Variants in ZGPAT observed in about 807,000 individuals in gnomAD.
ZGPAT encodes the protein zinc finger CCCH-type and G-patch domain containing, also known as zinc finger CCCH-type with G patch domain-containing protein.
A neutral mutation model predicts 47.9 loss-of-function variants in ZGPAT; 39 were observed. The observed-to-expected ratio is 0.81, with a 90% CI of 0.63 to 1.06. The LOEUF is 1.06. ZGPAT is among the 50% of genes least tolerant of loss of function. The pLI, the probability that ZGPAT is intolerant of heterozygous loss-of-function variation, is 0.00. For missense variants in ZGPAT, 717 were observed against 681.4 expected (o/e 1.05, Z -0.58); for synonymous variants, 348 against 292.9 (o/e 1.19, Z -1.92).
At chr20:63,729,449 C>G (rs539359267) in intron 2 of ZGPAT, among the ~76,000 whole-genome samples, 1 of 152,288 alleles carries the variant, frequency 6.6e-6, no homozygotes, top group South Asian at 2.1e-4. Context: ...GTATTTCTGT[C>G]AATGCTGTGA....
chr20:63,733,776 G>T, intron 4 of ZGPAT, 37 bp downstream of exon 4: 1 of 1,582,272 alleles, frequency 6.3e-7, no homozygotes. Context: ...AGCCAGGAAG[G>T]TGGGGTCACC....
chr20:63,735,223 G>T lies in ZGPAT; in HGVS notation c.1056G>T (p.Lys352Asn). Residue 352 changes from lysine to asparagine, a missense_variant, in exon 6 of 7, where the codon AAG becomes AAT. Lys to Asn is a moderately conservative substitution (Grantham distance 94, BLOSUM62 0). Coordinates refer to ENST00000355969, the MANE Select transcript of ZGPAT (RefSeq NM_181485.3). ...PIHAVVLPRG[K>N]SLDQCVETLQ... ...ATGCTGTGGTGTTGCCTCGAGGGAA[G>T]TCGCTGGACCAGTGTGTGGAGACCC... 1 of 1,574,972 alleles carries T rather than the reference G, an allele frequency of 6.3e-7. No individual in the cohort carries two copies. The highest frequency in any genetic ancestry group is 8.6e-7 in the Non-Finnish European group (1 of 1,160,674).
In ZGPAT at chr20:63,734,742, C is replaced by T; in HGVS notation, c.909C>T (p.Ser303=). 1 of 1,614,062 alleles carries T rather than the reference C, an allele frequency of 6.2e-7. No homozygotes were observed. Among genetic ancestry groups the T allele is most frequent in the Non-Finnish European group, 8.5e-7 (1 of 1,179,954 alleles). ...GSDAVDSGTC[S]SAFAGWEVHT... is the part of the protein sequence containing the mutation. Reference sequence around the variant, plus strand: ...ATGCTGTGGACTCTGGGACCTGCAGCTCTGCCTTTGCTGGCTGGGAGGTGC... The same window carrying T: ...ATGCTGTGGACTCTGGGACCTGCAGTTCTGCCTTTGCTGGCTGGGAGGTGC... Residue 303 remains serine, a synonymous_variant, in exon 5 of 7, where the codon AGC becomes AGT. Coordinates refer to ENST00000355969, the MANE Select transcript of ZGPAT (RefSeq NM_181485.3).
chr20:63,735,454 G>A lies in ZGPAT; in HGVS notation c.1287G>A (p.Lys429=), dbSNP rs951085163. Residue 429 remains lysine, a synonymous_variant, in exon 6 of 7, where the codon AAG becomes AAA. Coordinates refer to ENST00000355969, the MANE Select transcript of ZGPAT (RefSeq NM_181485.3). The part of the protein sequence containing the change: ...RRSKDMYHAS[K]SAKRALSLRL... Reference sequence around the variant, plus strand: ...GCAAGGACATGTACCATGCCAGCAAGAGTGCCAAGCGGGCCCTGAGCCTGC... The same window carrying A: ...GCAAGGACATGTACCATGCCAGCAAAAGTGCCAAGCGGGCCCTGAGCCTGC... 5 of 1,568,440 alleles carry A rather than the reference G, an allele frequency of 3.2e-6. No homozygotes were observed. The highest frequency in any genetic ancestry group is 4.3e-6 in the Non-Finnish European group (5 of 1,161,258).
Position 63,732,993 on chromosome 20 carries a change from CGTGTGTATATGTGCAT to C in ZGPAT, c.585-217_585-202del, listed in dbSNP as rs952513885. ...ATGTGTGCATGTGTATCTGTATGTG[CGTGTGTATATGTGCAT>C]GTGTGTATGTGTGCGTGAGTGTGTG... On this transcript the variant is annotated intron_variant, in intron 2 of 6. Coordinates refer to ENST00000355969, the MANE Select transcript of ZGPAT (RefSeq NM_181485.3). 6.5e-4 allele frequency among the ~76,000 whole-genome samples: 97 copies of C among 148,238 alleles called. 1 individual carries two copies. In the South Asian group the frequency reaches 7.2e-3, roughly 11 times the overall value.
chr20:63,735,584 C>G lies in ZGPAT; in HGVS notation c.1397+20C>G. 6.6e-7 allele frequency: 1 copy of G among 1,512,832 alleles called. No homozygotes were observed. The highest frequency in any genetic ancestry group is 8.8e-7 in the Non-Finnish European group (1 of 1,132,426). The allele number at this position is 1,512,832 out of a possible 1,614,324, so 93.7% of individuals were successfully genotyped here. ...TGGCCGGTACGTGTGGGGCCCAGCT[C>G]AGGGCAAAGGGCGACCCAGGGTGGC... On this transcript the variant is annotated intron_variant, in intron 6 of 6. Coordinates refer to ENST00000355969, the MANE Select transcript of ZGPAT (RefSeq NM_181485.3).
intron 2 of ZGPAT, among the ~76,000 whole-genome samples, chr20:63,723,719 A>G (rs1484959703): frequency 6.6e-6 from 1 of 152,104 alleles, no homozygotes; most frequent in Non-Finnish European, 1.5e-5. Flanking sequence ...CCATATATAC[A>G]TTTATGTATG....
chr20:63,711,237 C>G (rs2091664531), intron 2 of ZGPAT, among the ~76,000 whole-genome samples: 1 of 152,146 alleles, frequency 6.6e-6, no homozygotes, highest in South Asian at 2.1e-4. Flanking sequence ...ACCATATTAC[C>G]CAGGTCTCGA....
At chr20:63,717,663 T>G (rs1053043672) in intron 2 of ZGPAT, among the ~76,000 whole-genome samples, 6 of 152,152 alleles carry the variant, frequency 3.9e-5, no homozygotes, top group Non-Finnish European at 8.8e-5. Context: ...CTTGAGCTCC[T>G]GGACTCAATC....
At chr20:63,713,687 A>G (rs1378323595) in intron 2 of ZGPAT, among the ~76,000 whole-genome samples, 2 of 151,568 alleles carry the variant, frequency 1.3e-5, no homozygotes, top group African/African-American at 4.8e-5. Flanking sequence ...CCTGGCCAAC[A>G]TGGTGAAATC....
chr20:63,731,367 T>C (rs2091899765), intron 2 of ZGPAT, among the ~76,000 whole-genome samples: 2 of 150,104 alleles, frequency 1.3e-5, no homozygotes, highest in South Asian at 4.2e-4. Flanking sequence ...AGATTGTGTA[T>C]GTGCATACGT....
chr20:63,732,345 G>GGT (rs1036592099), intron 2 of ZGPAT, among the ~76,000 whole-genome samples: 2 of 27,096 alleles, frequency 7.4e-5, no homozygotes, highest in African/African-American at 1.4e-4. Flanking sequence ...GTGTGGGTGA[G>GGT]GTGTGTGTGT....
intron 2 of ZGPAT, among the ~76,000 whole-genome samples, chr20:63,723,332 A>C (rs1380143209): frequency 8.8e-3 from 370 of 41,850 alleles, no homozygotes; most frequent in Admixed American, 0.012. Flanking sequence ...CCCTTCTCCT[A>C]TGACACAGCT....
chr20:63,721,476 G>A (rs1249982372), intron 2 of ZGPAT, among the ~76,000 whole-genome samples: 3 of 151,820 alleles, frequency 2.0e-5, no homozygotes, highest in African/African-American at 4.8e-5. Flanking sequence ...TTTACTTCTT[G>A]CTCCCATGGA....
chr20:63,711,608 T>C (rs2091668956), intron 2 of ZGPAT, among the ~76,000 whole-genome samples: 1 of 152,084 alleles, frequency 6.6e-6, no homozygotes, highest in Non-Finnish European at 1.5e-5. Context: ...GACCTTTTTT[T>C]TTTTTTTAAG....
Position 63,709,177 on chromosome 20 carries a change from G to A in ZGPAT, c.584+13G>A, listed in dbSNP as rs762545203. The A allele has an allele frequency of 5.0e-6, 8 of 1,605,780 alleles. No homozygotes were observed. In the Admixed American group the frequency reaches 1.0e-4, roughly 20 times the overall value. ...AGGAGAACTGCAGGTAAAGCCCTTT[G>A]TTGTCAGATGCCAACCTTAGGGGCG... On this transcript the variant is annotated intron_variant, in intron 2 of 6. Coordinates refer to ENST00000355969, the MANE Select transcript of ZGPAT (RefSeq NM_181485.3).
intron 2 of ZGPAT, among the ~76,000 whole-genome samples, chr20:63,727,423 G>A (rs578217791): frequency 1.3e-5 from 2 of 151,746 alleles, no homozygotes; most frequent in Non-Finnish European, 2.9e-5. Context: ...TGTATTTTTA[G>A]TAGAGACGGG....
intron 2 of ZGPAT, among the ~76,000 whole-genome samples, chr20:63,710,681 A>G (rs1358303297): frequency 6.6e-6 from 1 of 152,096 alleles, no homozygotes; most frequent in East Asian, 1.9e-4. Context: ...GTTTTTTCCA[A>G]TTATGAATAC....
intron 2 of ZGPAT, among the ~76,000 whole-genome samples, chr20:63,732,204 CATCTGTGT>C (rs1184048409): frequency 2.1e-5 from 3 of 144,044 alleles, no homozygotes; most frequent in Non-Finnish European, 4.6e-5. Flanking sequence ...GGTGCGGGTG[CATCTGTGT>C]GTGCATGTTT....
Sources: allele counts gnomAD v4.1 joint callset (sites outside exome capture counted in the v4.1 genomes callset), GRCh38; gene constraint gnomAD v4.1.1; transcripts MANE v1.5; gene names NCBI Gene and HGNC (gene_info 2026-07-23, HGNC 2026-07-21).